The following ADAMTSL1 variants were observed in gnomAD, a reference collection of about 807,000 sequenced individuals.
ADAMTSL1 encodes the protein ADAMTS-like protein 1.
Under a neutral mutation model 201.8 loss-of-function variants are expected in ADAMTSL1, and 126 were observed. The ratio of observed to expected loss-of-function variants is 0.62; its 90% CI spans 0.54 to 0.72. The LOEUF is 0.72. ADAMTSL1 is among the 30% of genes least tolerant of loss of function. ADAMTSL1 has a pLI of 0.00. For synonymous variants in ADAMTSL1, 1,121 were observed against 903.4 expected, an observed-to-expected ratio of 1.24 and a Z score of -4.32; for missense variants, 2,679 against 2,277.8, an observed-to-expected ratio of 1.18 and a Z score of -3.59.
chr9:18,490,753 G>A (rs760350957), intron 1 of ADAMTSL1, among the ~76,000 whole-genome samples: 9 of 152,266 alleles, frequency 5.9e-5, no homozygotes, highest in East Asian at 5.8e-4. Context: ...AGCATATTCC[G>A]CAGCAAGATG....
At chr9:18,536,270 C>G (rs1229463900) in intron 3 of ADAMTSL1, among the ~76,000 whole-genome samples, 1 of 152,130 alleles carries the variant, frequency 6.6e-6, no homozygotes, top group Non-Finnish European at 1.5e-5. Context: ...TTAGCTAAAT[C>G]TCCACGGTCA....
intron 14 of ADAMTSL1, 129 bp downstream of exon 14, chr9:18,707,177 T>C (rs1832281575): frequency 1.7e-6 from 2 of 1,197,800 alleles, no homozygotes; most frequent in East Asian, 5.1e-5. Context: ...GAGGCAGCCA[T>C]TCTAAATGTA....
intron 7 of ADAMTSL1, among the ~76,000 whole-genome samples, chr9:18,652,095 CT>C (rs1376677956): frequency 1.3e-5 from 2 of 151,870 alleles, no homozygotes; most frequent in African/African-American, 4.8e-5. Context: ...ATAGTGAAAG[CT>C]ATAGATATGC....
intron 9 of ADAMTSL1, among the ~76,000 whole-genome samples, chr9:18,666,626 G>C (rs1829451287): frequency 6.6e-6 from 1 of 152,132 alleles, no homozygotes; most frequent in African/African-American, 2.4e-5. Flanking sequence ...TATAAGCAAA[G>C]CTTCTGTCTT....
intron 13 of ADAMTSL1, among the ~76,000 whole-genome samples, chr9:18,701,169 T>C (rs1040784559): frequency 4.0e-5 from 6 of 151,348 alleles, no homozygotes; most frequent in African/African-American, 1.5e-4. Flanking sequence ...CTAGGAAGAA[T>C]GCACTTAACA....
At chr9:18,756,003 AGAGACAGCCCT>A (rs1819723890) in intron 16 of ADAMTSL1, among the ~76,000 whole-genome samples, 1 of 148,420 alleles carries the variant, frequency 6.7e-6, no homozygotes, top group Non-Finnish European at 1.5e-5. Flanking sequence ...TCTACCCTCC[AGAGACAGCCCT>A]GTTAATGGTT....
chr9:18,311,503 G>C (rs766886014), intron 2 of ADAMTSL1, among the ~76,000 whole-genome samples: 1 of 152,124 alleles, frequency 6.6e-6, no homozygotes, highest in Non-Finnish European at 1.5e-5. Context: ...GGAAGTAGCA[G>C]AGTCAACCTG....
intron 2 of ADAMTSL1, among the ~76,000 whole-genome samples, chr9:18,398,431 A>G (rs927092068): frequency 1.3e-5 from 2 of 152,160 alleles, no homozygotes; most frequent in East Asian, 1.9e-4. Flanking sequence ...TTCACTCTGG[A>G]TCATTAGTGC....
chr9:18,774,888 G>A (rs1820887089), intron 17 of ADAMTSL1, among the ~76,000 whole-genome samples: 1 of 152,182 alleles, frequency 6.6e-6, no homozygotes, highest in African/African-American at 2.4e-5. Context: ...TGTCTCTCTT[G>A]GGTAGATACC....
chr9:18,398,544 G>A (rs1817838308), intron 2 of ADAMTSL1, among the ~76,000 whole-genome samples: 1 of 152,044 alleles, frequency 6.6e-6, no homozygotes, highest in African/African-American at 2.4e-5. Flanking sequence ...AAAGGCCCTG[G>A]GATAAGGAGA....
At chr9:18,828,678 A>ATCC (rs1437226104) in intron 22 of ADAMTSL1, among the ~76,000 whole-genome samples, 1 of 113,430 alleles carries the variant, frequency 8.8e-6, no homozygotes, top group Admixed American at 8.7e-5. Context: ...ATATATATAT[A>ATCC]TATATATATA....
At chr9:18,626,195 C>G (rs1826349242) in intron 5 of ADAMTSL1, among the ~76,000 whole-genome samples, 1 of 152,140 alleles carries the variant, frequency 6.6e-6, no homozygotes, top group South Asian at 2.1e-4. Context: ...GTTCTAGGTG[C>G]TGGAAACAGC....
chr9:18,582,011 C>T (rs549603545), intron 4 of ADAMTSL1, among the ~76,000 whole-genome samples: 2 of 152,180 alleles, frequency 1.3e-5, no homozygotes, highest in Admixed American at 6.5e-5. Flanking sequence ...TCAGAAATCA[C>T]GTCAGTCTTT....
intron 1 of ADAMTSL1, among the ~76,000 whole-genome samples, chr9:17,940,888 TTAAAGAAAATTC>T (rs149448523): frequency 0.043 from 6,053 of 141,768 alleles, 189 homozygotes; most frequent in Non-Finnish European, 0.057. Flanking sequence ...TTTTCTGCAC[TTAAAGAAAATTC>T]TTAAGGACTG....
intron 1 of ADAMTSL1, among the ~76,000 whole-genome samples, chr9:17,921,505 A>G (rs1239816334): frequency 6.6e-6 from 1 of 152,194 alleles, no homozygotes; most frequent in African/African-American, 2.4e-5. Flanking sequence ...GAGAGAAAAT[A>G]TGGTGTTCAA....
chr9:17,969,107 G>A (rs1388994181), intron 1 of ADAMTSL1, among the ~76,000 whole-genome samples: 1 of 151,892 alleles, frequency 6.6e-6, no homozygotes. Context: ...TTTGCTATAT[G>A]TGTATACATT....
intron 20 of ADAMTSL1, among the ~76,000 whole-genome samples, chr9:18,811,012 C>CAAA (rs76456235): frequency 0.023 from 871 of 38,570 alleles, 14 homozygotes; most frequent in East Asian, 0.073. Flanking sequence ...CAATGAGTAC[C>CAAA]AAAAAAAAAA....
At chr9:18,389,138 T>C (rs376020546) in intron 2 of ADAMTSL1, among the ~76,000 whole-genome samples, 16 of 151,772 alleles carry the variant, frequency 1.1e-4, no homozygotes, top group Admixed American at 8.5e-4. Flanking sequence ...TTAAATGATA[T>C]AGAGATCTCA....
At chr9:18,540,947 G>A (rs993170180) in intron 3 of ADAMTSL1, among the ~76,000 whole-genome samples, 6 of 152,264 alleles carry the variant, frequency 3.9e-5, no homozygotes, top group Admixed American at 3.9e-4. Flanking sequence ...CTCTCCAGTA[G>A]TGGACCAAAG....
Sources: allele counts gnomAD v4.1 joint callset (sites outside exome capture counted in the v4.1 genomes callset), GRCh38; gene constraint gnomAD v4.1.1; transcripts MANE v1.5; gene names NCBI Gene and HGNC (gene_info 2026-07-23, HGNC 2026-07-21).